UBR3: variants seen among roughly 807,000 people sequenced by gnomAD.
UBR3 encodes the protein E3 ubiquitin-protein ligase UBR3.
In UBR3, 85 loss-of-function variants were observed where a neutral mutation model predicts 243.2. The ratio of observed to expected loss-of-function variants is 0.35; its 90% CI spans 0.29 to 0.42. UBR3 has a LOEUF of 0.42. Among genes scored for constraint, UBR3 ranks in the 10% least tolerant of loss-of-function variants. The pLI, the probability that UBR3 is intolerant of heterozygous loss-of-function variation, is 1.00. For missense variants in UBR3, 1,686 were observed against 2,300.8 expected (o/e 0.73, Z 5.47); for synonymous variants, 748 against 799.8 (o/e 0.94, Z 1.09).
chr2:169,907,199 GC>G (rs1472804311), intron 10 of UBR3, among the ~76,000 whole-genome samples: 13 of 151,626 alleles, frequency 8.6e-5, no homozygotes, highest in Non-Finnish European at 4.4e-5. Flanking sequence ...GGCACACCTG[GC>G]TAATTTTTGT....
Position 169,843,202 on chromosome 2 carries a change from A to G in UBR3, c.545+15150A>G, listed in dbSNP as rs186028717. 1.3e-5 allele frequency among the ~76,000 whole-genome samples: 2 copies of G among 152,332 alleles called. 1 individual carries two copies. The highest frequency in any genetic ancestry group is 1.3e-4 in the Admixed American group (2 of 15,300). ...CTGGCTTAGTTCATTTTGTGCTGTTATAACAAAATACCTGAGACTGAGTAA... is the reference window on the plus strand; with the variant it reads ...CTGGCTTAGTTCATTTTGTGCTGTTGTAACAAAATACCTGAGACTGAGTAA... On this transcript the variant is annotated intron_variant, in intron 1 of 38. Coordinates refer to ENST00000272793, the MANE Select transcript of UBR3 (RefSeq NM_172070.4).
At chr2:169,875,639 A>G (rs927362906) in intron 2 of UBR3, among the ~76,000 whole-genome samples, 152 bp from the exon 3 acceptor site, 3 of 152,222 alleles carry the variant, frequency 2.0e-5, no homozygotes, top group African/African-American at 7.2e-5. Context: ...GCAGATACCA[A>G]TTTCTAAACA....
intron 35 of UBR3, among the ~76,000 whole-genome samples, chr2:170,063,056 T>C (rs1193841613): frequency 6.6e-6 from 1 of 152,158 alleles, no homozygotes; most frequent in Non-Finnish European, 1.5e-5. Context: ...GGATAAAACC[T>C]CATTCTAGTA....
chr2:169,845,501 ATCGTCG>A (rs879064379), intron 1 of UBR3, among the ~76,000 whole-genome samples: 20,012 of 93,668 alleles, frequency 0.21, 1,741 homozygotes, highest in Admixed American at 0.31. Context: ...CTTCGTCGTC[ATCGTCG>A]TCGTCGTCGT....
chr2:169,868,764 C>T (rs1398095294), intron 1 of UBR3, among the ~76,000 whole-genome samples: 2 of 152,144 alleles, frequency 1.3e-5, no homozygotes, highest in South Asian at 2.1e-4. Context: ...TGAACTAGTA[C>T]CCAGTTTATA....
chr2:169,924,115 C>T lies in UBR3; in HGVS notation c.1964C>T (p.Ser655Phe), dbSNP rs188512746. The T allele has an allele frequency of 3.2e-6, 5 of 1,547,522 alleles. No individual in the cohort carries two copies. The African/African-American group carries it at 6.9e-5, about 21-fold the overall frequency. Residue 655 changes from serine to phenylalanine, a missense_variant, in exon 13 of 39, where the codon TCT (serine) becomes TTT (phenylalanine). Ser to Phe is a radical substitution (Grantham distance 155). This residue lies in a region of UBR3 where 346 missense variants were observed against 585.8 expected (regional missense o/e 0.59). Coordinates refer to ENST00000272793, the MANE Select transcript of UBR3 (RefSeq NM_172070.4). The part of the protein sequence containing the change: ...AVKCQELDLD[S>F]VLPDQEMLMK... ...AAATGTCAAGAACTAGATTTGGATT[C>T]TGTTTTACCAGATCAGGAAATGTTA...
chr2:169,941,382 T>G (rs1239713191), intron 19 of UBR3, among the ~76,000 whole-genome samples: 1 of 152,158 alleles, frequency 6.6e-6, no homozygotes, highest in African/African-American at 2.4e-5. Context: ...AGATTAACAG[T>G]AATAACTAAA....
intron 5 of UBR3, among the ~76,000 whole-genome samples, chr2:169,882,292 G>T: frequency 7.6e-6 from 1 of 131,344 alleles, no homozygotes; most frequent in East Asian, 2.1e-4. Context: ...TTTATATATT[G>T]TATATTTATG....
chr2:170,049,730 C>T (rs538869108), intron 32 of UBR3, among the ~76,000 whole-genome samples: 23 of 152,148 alleles, frequency 1.5e-4, no homozygotes, highest in Admixed American at 8.5e-4. Context: ...ATAACTTCTC[C>T]GTGATTCTGT....
chr2:170,021,130 G>T (rs544188477), intron 30 of UBR3, among the ~76,000 whole-genome samples: 1 of 152,208 alleles, frequency 6.6e-6, no homozygotes, highest in Admixed American at 6.5e-5. Flanking sequence ...GAGGATTGTT[G>T]TAAGAATTCA....
intron 33 of UBR3, among the ~76,000 whole-genome samples, chr2:170,056,592 G>A (rs2091341980): frequency 6.6e-6 from 1 of 152,154 alleles, no homozygotes. Flanking sequence ...TAGGTATAGT[G>A]TAAATTGAAC....
intron 37 of UBR3, 193 bp from the exon 38 acceptor site, chr2:170,080,352 C>G (rs988324452): frequency 1.5e-6 from 1 of 678,256 alleles, no homozygotes; most frequent in African/African-American, 1.8e-5. Context: ...AATTGCTTTA[C>G]TAGATATTCC....
At chr2:169,895,387 ATAT>A in intron 7 of UBR3, 76 bp downstream of exon 7, 1 of 1,435,936 alleles carries the variant, frequency 7.0e-7, no homozygotes, top group Non-Finnish European at 9.3e-7. Flanking sequence ...TTTTTTTGAT[ATAT>A]TTCTCAGGTG....
chr2:169,858,619 A>G (rs1319496533), intron 1 of UBR3, among the ~76,000 whole-genome samples: 4 of 151,974 alleles, frequency 2.6e-5, no homozygotes, highest in Non-Finnish European at 5.9e-5. Context: ...TTTATTTTTG[A>G]GACAGAGTCT....
At chr2:169,957,358 T>C (rs923907368) in intron 23 of UBR3, among the ~76,000 whole-genome samples, 1 of 151,994 alleles carries the variant, frequency 6.6e-6, no homozygotes, top group African/African-American at 2.4e-5. Flanking sequence ...GTGGCACATA[T>C]ACACTGTGGA....
At chr2:169,966,183 T>A (rs73017629) in intron 24 of UBR3, among the ~76,000 whole-genome samples, 14,780 of 152,146 alleles carry the variant, frequency 0.097, 856 homozygotes, top group African/African-American at 0.16. Context: ...CCACCTTTTT[T>A]AATTTTTACT....
chr2:170,052,845 A>G (rs545921372), intron 32 of UBR3, among the ~76,000 whole-genome samples: 72 of 152,352 alleles, frequency 4.7e-4, no homozygotes, highest in African/African-American at 1.6e-3. Flanking sequence ...TTCTCAGTGC[A>G]CACACATACA....
In UBR3 at chr2:170,033,892, C is replaced by T. The variant is rs552086705; in HGVS notation, c.4556+4444C>T. Among the ~76,000 whole-genome samples the T allele has an allele frequency of 1.1e-4, 16 of 151,602 alleles. No homozygotes were observed. The South Asian group carries it at 3.3e-3, about 32-fold the overall frequency. Reference sequence around the variant, plus strand: ...ACTATATTCCTATTAACTCTTCCACCCATTTCCTCTTATCCATAGAATCAA... The same window carrying T: ...ACTATATTCCTATTAACTCTTCCACTCATTTCCTCTTATCCATAGAATCAA... On this transcript the variant is annotated intron_variant, in intron 31 of 38. Coordinates refer to ENST00000272793, the MANE Select transcript of UBR3 (RefSeq NM_172070.4).
rs2105359228 is a variant in UBR3, at chr2:169,946,337, T to C, written c.2855T>C (p.Leu952Ser). 1 of 1,519,096 alleles carries C rather than the reference T, an allele frequency of 6.6e-7. No homozygotes were observed. Among genetic ancestry groups the C allele is most frequent in the East Asian group, 2.6e-5 (1 of 38,946 alleles). 94.1% of individuals were successfully genotyped at this position (1,519,096 alleles called of 1,614,324 possible). ...NLSEHVLCMV[L>S]YLIELGLENS... ...TCAGAACATGTACTCTGCATGGTTT[T>C]ATATCTGATTGAATTAGGACTTGAA... is the stretch of plus-strand genomic sequence containing the variant. Residue 952 changes from leucine (L) to serine (S), a missense_variant, in exon 21 of 39, where the codon TTA (leucine) becomes TCA (serine). By Grantham distance (145) the Leu-to-Ser change is moderately radical. This residue lies in a region of UBR3 where 300 missense variants were observed against 314.4 expected (regional missense o/e 0.95). Transcript: ENST00000272793.
Sources: gnomAD v4.1 joint callset for allele counts (sites outside exome capture counted in the v4.1 genomes callset) on GRCh38, gnomAD v4.1.1 for gene constraint, gnomAD v4.1.1 regional missense constraint, MANE v1.5 for transcripts, NCBI Gene and HGNC (gene_info 2026-07-23, HGNC 2026-07-21) for gene names.